Variants in XKR6 observed in about 807,000 individuals in gnomAD.
The protein encoded by XKR6 is XK-related protein 6.
A neutral mutation model predicts 56.7 loss-of-function variants in XKR6; 22 were observed. The ratio of observed to expected loss-of-function variants is 0.39; its 90% confidence interval spans 0.28 to 0.55. The LOEUF (loss-of-function observed/expected upper bound fraction) is 0.55, where lower values mean the gene tolerates loss of function less well. XKR6 is among the 20% of genes least tolerant of loss of function. XKR6 has a pLI of 0.66. For missense variants in XKR6, 852 were observed against 889.0 expected, an observed-to-expected ratio of 0.96 and a Z score of 0.53; for synonymous variants, 524 against 387.8, an observed-to-expected ratio of 1.35 and a Z score of -4.13.
intron 1 of XKR6, among the ~76,000 whole-genome samples, chr8:11,028,264 T>C (rs1798915730): frequency 6.6e-6 from 1 of 152,212 alleles, no homozygotes; most frequent in Admixed American, 6.5e-5. Flanking sequence ...GGTTCTTCCA[T>C]GTTTTTTCAT....
At chr8:11,115,600 A>G (rs1025235993) in intron 1 of XKR6, among the ~76,000 whole-genome samples, 1 of 151,704 alleles carries the variant, frequency 6.6e-6, no homozygotes, top group African/African-American at 2.4e-5. Context: ...TACATATACC[A>G]ATGACATTTT....
At chr8:10,914,296 T>C (rs1172854952) in intron 2 of XKR6, among the ~76,000 whole-genome samples, 1 of 152,074 alleles carries the variant, frequency 6.6e-6, no homozygotes, top group East Asian at 1.9e-4. Flanking sequence ...TCTTCCTGAG[T>C]ATATACAGTA....
intron 1 of XKR6, among the ~76,000 whole-genome samples, chr8:11,160,172 C>A (rs374802151): frequency 7.2e-5 from 11 of 151,944 alleles, no homozygotes; most frequent in African/African-American, 2.7e-4. Flanking sequence ...CAGAAATAAT[C>A]ACATATGAAG....
intron 1 of XKR6, among the ~76,000 whole-genome samples, chr8:11,139,038 A>C (rs1247765521): frequency 1.3e-5 from 2 of 152,200 alleles, no homozygotes; most frequent in African/African-American, 4.8e-5. Flanking sequence ...TTAATGATTA[A>C]TAAAAGCAAT....
At chr8:11,053,694 CTG>C (rs1176050306) in intron 1 of XKR6, among the ~76,000 whole-genome samples, 1 of 152,246 alleles carries the variant, frequency 6.6e-6, no homozygotes, top group Non-Finnish European at 1.5e-5. Flanking sequence ...TTCTAGCCCT[CTG>C]TTCCTGAGAA....
At chr8:10,996,409 T>A (rs1480669134) in intron 1 of XKR6, among the ~76,000 whole-genome samples, 1 of 152,240 alleles carries the variant, frequency 6.6e-6, no homozygotes, top group South Asian at 2.1e-4. Flanking sequence ...TGCTTTTATA[T>A]GTTCTGCTTT....
intron 2 of XKR6, among the ~76,000 whole-genome samples, chr8:10,919,875 C>A (rs771249422): frequency 3.9e-5 from 6 of 152,212 alleles, no homozygotes; most frequent in Non-Finnish European, 8.8e-5. Context: ...ACTTTCAAGA[C>A]ATCAGGCTTA....
At chr8:11,166,790 C>G (rs879310402) in intron 1 of XKR6, among the ~76,000 whole-genome samples, 3 of 152,110 alleles carry the variant, frequency 2.0e-5, no homozygotes, top group Non-Finnish European at 4.4e-5. Context: ...CCAGGCTGGT[C>G]TGGAACTCGT....
chr8:11,201,032 G>A lies in XKR6; in HGVS notation c.308C>T (p.Ala103Val), dbSNP rs1804196917. 8.3e-7 allele frequency: 1 copy of A among 1,202,714 alleles called. No individual in the cohort carries two copies. The highest frequency in any genetic ancestry group is 1.0e-6 in the Non-Finnish European group (1 of 973,338). 74.5% of individuals were successfully genotyped at this position (1,202,714 alleles called of 1,614,324 possible). A position where few individuals can be genotyped will look rare whatever the true frequency, so the allele number is the denominator to read the frequency against. ...QPLQPPAAPGAGRQPPTPSAA... is the reference protein window; with the variant it reads ...QPLQPPAAPGVGRQPPTPSAA... ...CGAGGGCGTCGGGGGTTGGCGGCCG[G>A]CGCCGGGGGCCGCGGGAGGCTGCAG... Residue 103 changes from alanine to valine, a missense_variant, in exon 1 of 3, where the codon GCC becomes GTC. Around this residue, in one of 4 missense-constraint regions of XKR6, gnomAD observed 417 missense variants for 355.2 expected, o/e 1.17. Coordinates refer to ENST00000416569, the MANE Select transcript of XKR6 (RefSeq NM_173683.4).
chr8:11,130,103 A>G lies in XKR6; in HGVS notation c.764+70473T>C, dbSNP rs555033550. Among the ~76,000 whole-genome samples the G allele has an allele frequency of 2.0e-5, 3 of 152,290 alleles. No homozygotes were observed. In the East Asian group the frequency reaches 5.8e-4, roughly 29 times the overall value. On this transcript the variant is annotated intron_variant, in intron 1 of 2. Coordinates refer to ENST00000416569, the MANE Select transcript of XKR6 (RefSeq NM_173683.4). ...ACTCAAAACACACACTTCTGAAAAG[A>G]CAAGAAGGTCCTTTTCACTTCTAGA...
At chr8:10,932,646 A>C (rs1241580622) in intron 1 of XKR6, among the ~76,000 whole-genome samples, 1 of 134,308 alleles carries the variant, frequency 7.4e-6, no homozygotes, top group African/African-American at 2.9e-5. Context: ...TCACTGTTCA[A>C]TTCCCACCTA....
At chr8:11,015,341 A>AT (rs896843396) in intron 1 of XKR6, among the ~76,000 whole-genome samples, 34 of 149,934 alleles carry the variant, frequency 2.3e-4, no homozygotes, top group Admixed American at 5.3e-4. Flanking sequence ...AGAGGGATTA[A>AT]TTTTTTTTTT....
At chr8:11,024,635 C>T (rs887831245) in intron 1 of XKR6, among the ~76,000 whole-genome samples, 16 of 152,240 alleles carry the variant, frequency 1.1e-4, no homozygotes, top group Non-Finnish European at 1.8e-4. Context: ...GCCCATGAGG[C>T]CGAATCACCC....
At chr8:11,180,383 G>C (rs978178073) in intron 1 of XKR6, among the ~76,000 whole-genome samples, 1 of 152,136 alleles carries the variant, frequency 6.6e-6, no homozygotes, top group Non-Finnish European at 1.5e-5. Context: ...TTTGTGGTGA[G>C]AGCCTCTCCT....
intron 2 of XKR6, among the ~76,000 whole-genome samples, chr8:10,899,891 A>G (rs1307376122): frequency 6.6e-6 from 1 of 152,194 alleles, no homozygotes; most frequent in Non-Finnish European, 1.5e-5. Context: ...CAAGTAAACC[A>G]AATGAAACAC....
chr8:11,054,283 GAA>G (rs1398560558), intron 1 of XKR6, among the ~76,000 whole-genome samples: 1 of 152,194 alleles, frequency 6.6e-6, no homozygotes, highest in Non-Finnish European at 1.5e-5. Context: ...GACCAGAGGT[GAA>G]AAGAGAGAGC....
chr8:11,116,195 G>T (rs1460175818), intron 1 of XKR6, among the ~76,000 whole-genome samples: 1 of 152,168 alleles, frequency 6.6e-6, no homozygotes, highest in Non-Finnish European at 1.5e-5. Context: ...CCTTTCCCAT[G>T]TATGTCGGAG....
intron 1 of XKR6, among the ~76,000 whole-genome samples, chr8:11,182,708 T>A (rs1181992293): frequency 6.6e-6 from 1 of 152,246 alleles, no homozygotes; most frequent in Non-Finnish European, 1.5e-5. Flanking sequence ...TTGTAAAAAT[T>A]GTTTTAATTG....
intron 1 of XKR6, among the ~76,000 whole-genome samples, chr8:10,940,640 C>A (rs900537536): frequency 6.6e-6 from 1 of 152,212 alleles, no homozygotes; most frequent in Non-Finnish European, 1.5e-5. Context: ...GTCCCACCCT[C>A]CTCCTGGGGC....
Sources: allele counts gnomAD v4.1 joint callset (sites outside exome capture counted in the v4.1 genomes callset), GRCh38; gene constraint gnomAD v4.1.1; regional missense constraint gnomAD v4.1.1; transcripts MANE v1.5; gene names NCBI Gene and HGNC (gene_info 2026-07-23, HGNC 2026-07-21).